SPHKAP: variants seen among roughly 807,000 people sequenced by gnomAD.
SPHKAP encodes the protein SPHK1 interactor, AKAP domain containing, also known as A-kinase anchor protein SPHKAP.
Under a neutral mutation model 137.5 loss-of-function variants are expected in SPHKAP, and 67 were observed. The observed-to-expected ratio is 0.49, with a 90% confidence interval of 0.40 to 0.60. The LOEUF (loss-of-function observed/expected upper bound fraction) is 0.60, where lower values mean the gene tolerates loss of function less well. Among genes scored for constraint, SPHKAP ranks in the 20% least tolerant of loss-of-function variants. The probability of loss-of-function intolerance (pLI) is 0.00; values close to 1 mark genes in which losing one functional copy is unlikely to be tolerated. For missense variants in SPHKAP, 2,097 were observed against 2,069.3 expected (o/e 1.01, Z -0.26); for synonymous variants, 813 against 785.3 (o/e 1.04, Z -0.59).
chr2:228,125,490 T>A lies in SPHKAP; in HGVS notation c.138+6490A>T, dbSNP rs529651811. 2.0e-5 allele frequency among the ~76,000 whole-genome samples: 3 copies of A among 152,304 alleles called. No individual in the cohort carries two copies. In the South Asian group the frequency reaches 6.2e-4, roughly 32 times the overall value. On this transcript the variant is annotated intron_variant, in intron 2 of 11. Transcript: ENST00000392056. ...ACCTTTTTGTATGTAAGTATCACAC[T>A]AACCTTAGAGAATCTGAGTCAGACA...
intron 7 of SPHKAP, among the ~76,000 whole-genome samples, chr2:228,010,618 C>T (rs1694333054): frequency 6.6e-6 from 1 of 152,116 alleles, no homozygotes; most frequent in South Asian, 2.1e-4. Flanking sequence ...AGACCTTTCA[C>T]ATTTATCTTT....
At position 228,131,857 on chromosome 2, in the gene SPHKAP, C is replaced by T. The variant is rs553378942; in HGVS notation, c.138+123G>A. The T allele has an allele frequency of 9.4e-5, 132 of 1,409,136 alleles. No homozygotes were observed. The African/African-American group carries it at 1.3e-3, about 14-fold the overall frequency. 87.3% of individuals were successfully genotyped at this position (1,409,136 alleles called of 1,614,324 possible). A position where few individuals can be genotyped will look rare whatever the true frequency, so the allele number is the denominator to read the frequency against. ...TCAAGGCTTACTTGGGAAAGCAAAC[C>T]GTGAGCCATTTTGTTGTTTGTTTTT... On this transcript the variant is annotated intron_variant, in intron 2 of 11. Coordinates refer to ENST00000392056, the MANE Select transcript of SPHKAP (RefSeq NM_001142644.2).
At chr2:228,069,614 T>C (rs904815649) in intron 3 of SPHKAP, among the ~76,000 whole-genome samples, 6 of 151,198 alleles carry the variant, frequency 4.0e-5, no homozygotes, top group African/African-American at 1.5e-4. Flanking sequence ...TTTTTTTTTC[T>C]AAGAAAAACA....
chr2:228,007,721 C>T (rs1329076988), intron 7 of SPHKAP, among the ~76,000 whole-genome samples: 1 of 152,044 alleles, frequency 6.6e-6, no homozygotes, highest in Non-Finnish European at 1.5e-5. Context: ...ACACATTGAC[C>T]AGTGTAATAG....
chr2:228,166,040 A>T (rs1700413969), intron 1 of SPHKAP, among the ~76,000 whole-genome samples: 1 of 152,224 alleles, frequency 6.6e-6, no homozygotes, highest in Non-Finnish European at 1.5e-5. Context: ...AGTCTGGCAG[A>T]GTGAGAACAG....
intron 1 of SPHKAP, among the ~76,000 whole-genome samples, chr2:228,135,345 A>T (rs1365509204): frequency 6.6e-6 from 1 of 152,070 alleles, no homozygotes; most frequent in Non-Finnish European, 1.5e-5. Flanking sequence ...AATCACATCT[A>T]AATTGGGCAG....
intron 7 of SPHKAP, among the ~76,000 whole-genome samples, chr2:228,001,679 C>T (rs903962615): frequency 6.6e-6 from 1 of 151,616 alleles, no homozygotes; most frequent in African/African-American, 2.4e-5. Flanking sequence ...ATTAACTCGT[C>T]ATTTACATTA....
chr2:228,053,284 A>G (rs1559148778), intron 3 of SPHKAP, among the ~76,000 whole-genome samples: 1 of 152,174 alleles, frequency 6.6e-6, no homozygotes, highest in Non-Finnish European at 1.5e-5. Flanking sequence ...TCTGTACTTG[A>G]TCTTAGACAA....
chr2:228,039,118 C>T lies in SPHKAP; in HGVS notation c.247-11575G>A, dbSNP rs114447072. On this transcript the variant is annotated intron_variant, in intron 3 of 11. Transcript: ENST00000392056. ...AGCTCCTTTCTCTTCACATAAAATA[C>T]ATTTCTTTTGTGTGTTTGTGCACGT... Among the ~76,000 whole-genome samples, 299 of 152,324 alleles carry T rather than the reference C, an allele frequency of 2.0e-3. 1 individual carries two copies. The highest frequency in any genetic ancestry group is 6.9e-3 in the African/African-American group (288 of 41,580).
intron 3 of SPHKAP, among the ~76,000 whole-genome samples, chr2:228,030,536 CAAAAAACAAAAAAA>C (rs1219489358): frequency 3.4e-3 from 142 of 41,876 alleles, no homozygotes; most frequent in African/African-American, 0.016. Context: ...AAAAAAACAA[CAAAAAACAAAAAAA>C]AAAAAATAAA....
chr2:228,113,603 ATCTC>A (rs139499722), intron 2 of SPHKAP, among the ~76,000 whole-genome samples: 19,158 of 97,524 alleles, frequency 0.2, 2,131 homozygotes, highest in South Asian at 0.31. Flanking sequence ...GCATTTAGCC[ATCTC>A]TCTCTCTCTC....
At chr2:228,003,241 G>A (rs540461355) in intron 7 of SPHKAP, among the ~76,000 whole-genome samples, 72 of 152,090 alleles carry the variant, frequency 4.7e-4, no homozygotes, top group African/African-American at 7.7e-4. Context: ...CTTTTATTTC[G>A]TTGAGCAGTG....
chr2:228,090,100 G>A (rs534580454), intron 3 of SPHKAP, among the ~76,000 whole-genome samples: 1 of 152,308 alleles, frequency 6.6e-6, no homozygotes, highest in East Asian at 1.9e-4. Flanking sequence ...CCTCAGCATG[G>A]AAAAACTGTA....
intron 2 of SPHKAP, among the ~76,000 whole-genome samples, chr2:228,124,979 A>G (rs6436752): frequency 1 from 152,302 of 152,304 alleles, 76,150 homozygotes; most frequent in Non-Finnish European, 1. Context: ...GGGAATCATG[A>G]CCAAGAACGC....
intron 2 of SPHKAP, among the ~76,000 whole-genome samples, chr2:228,118,416 T>A (rs946711362): frequency 1.3e-5 from 2 of 152,050 alleles, no homozygotes; most frequent in African/African-American, 4.8e-5. Context: ...CTAAGTCATA[T>A]GGTAAATTTA....
intron 3 of SPHKAP, among the ~76,000 whole-genome samples, chr2:228,068,796 T>C (rs1344315507): frequency 6.6e-6 from 1 of 152,252 alleles, no homozygotes; most frequent in Non-Finnish European, 1.5e-5. Flanking sequence ...GCTCCCAGAC[T>C]ACAAAATTGA....
In SPHKAP at chr2:228,017,050, T is replaced by A; in HGVS notation, c.3804A>T (p.Pro1268=). ...NSLDGFAQNC[P]QDFLSVQPVS... is the part of the protein sequence containing the mutation. ...CCGGCTGCACGCTTAGGAAATCTTG[T>A]GGGCAGTTCTGAGCAAAGCCATCTA... The change falls in exon 7 of 12, where the codon CCA becomes CCT. Residue 1268 remains proline (P), a synonymous_variant. Transcript: ENST00000392056. 1 of 1,614,072 alleles carries A rather than the reference T, an allele frequency of 6.2e-7. No individual in the cohort carries two copies. The highest frequency in any genetic ancestry group is 8.5e-7 in the Non-Finnish European group (1 of 1,179,996).
chr2:227,996,837 T>C (rs968274556), intron 7 of SPHKAP, among the ~76,000 whole-genome samples: 15 of 152,204 alleles, frequency 9.9e-5, no homozygotes, highest in Admixed American at 2.6e-4. Flanking sequence ...TCACAATTAC[T>C]TTTAATGGCA....
At chr2:228,041,670 AAAG>A (rs1018571907) in intron 3 of SPHKAP, among the ~76,000 whole-genome samples, 66 of 151,570 alleles carry the variant, frequency 4.4e-4, no homozygotes, top group Middle Eastern at 6.8e-3. Context: ...AAAAAAGAAA[AAAG>A]AAAACAGTTC....
Sources: gnomAD v4.1 joint callset for allele counts (sites outside exome capture counted in the v4.1 genomes callset) on GRCh38, gnomAD v4.1.1 for gene constraint, MANE v1.5 for transcripts, NCBI Gene and HGNC (gene_info 2026-07-23, HGNC 2026-07-21) for gene names.